DPYD: variants seen among roughly 807,000 people sequenced by gnomAD.
DPYD encodes the protein dihydropyrimidine dehydrogenase.
Under a neutral mutation model 116.2 loss-of-function variants are expected in DPYD, and 109 were observed. That is an observed-to-expected ratio of 0.94 (90% CI 0.80 to 1.10). DPYD has a LOEUF of 1.10. DPYD is among the 50% of genes least tolerant of loss of function. The pLI is 0.00. For missense variants in DPYD, 1,302 were observed against 1,254.5 expected (o/e 1.04, Z -0.57); for synonymous variants, 440 against 432.0 (o/e 1.02, Z -0.23).
At chr1:97,594,323 T>C (rs1286361336) in intron 9 of DPYD, among the ~76,000 whole-genome samples, 1 of 152,170 alleles carries the variant, frequency 6.6e-6, no homozygotes, top group Non-Finnish European at 1.5e-5. Context: ...AACATCCAGT[T>C]CTACTGAGAG....
chr1:97,796,666 G>C (rs1203404141), intron 3 of DPYD, among the ~76,000 whole-genome samples: 1 of 152,084 alleles, frequency 6.6e-6, no homozygotes, highest in Non-Finnish European at 1.5e-5. Flanking sequence ...CAAAGAAGGA[G>C]GGTGAGACAG....
At chr1:97,282,426 GTTGT>G in intron 18 of DPYD, among the ~76,000 whole-genome samples, 1 of 151,586 alleles carries the variant, frequency 6.6e-6, no homozygotes, top group East Asian at 1.9e-4. Context: ...AGATGCAGAG[GTTGT>G]TTAATATTAG....
At chr1:97,611,522 A>T (rs10875100) in intron 8 of DPYD, among the ~76,000 whole-genome samples, 118,730 of 151,952 alleles carry the variant, frequency 0.78, 47,526 homozygotes, top group East Asian at 0.96. Flanking sequence ...CTAGGAGGTT[A>T]CAGGGGCAAT....
intron 18 of DPYD, among the ~76,000 whole-genome samples, chr1:97,266,335 G>C (rs1664222625): frequency 6.6e-6 from 1 of 152,132 alleles, no homozygotes; most frequent in African/African-American, 2.4e-5. Context: ...ATTAAGAGAA[G>C]ATACGTCTGC....
chr1:97,254,298 G>A (rs1006354641), intron 18 of DPYD, among the ~76,000 whole-genome samples: 1 of 151,982 alleles, frequency 6.6e-6, no homozygotes, highest in Non-Finnish European at 1.5e-5. Context: ...TTATTTGTAT[G>A]AATGCTCAAA....
chr1:97,434,655 A>T (rs1197606938), intron 14 of DPYD, among the ~76,000 whole-genome samples: 1 of 152,100 alleles, frequency 6.6e-6, no homozygotes, highest in East Asian at 1.9e-4. Context: ...AGGAAATGAA[A>T]ATCCAGGTGA....
At chr1:97,283,577 T>G (rs1050934141) in intron 18 of DPYD, among the ~76,000 whole-genome samples, 24 of 152,116 alleles carry the variant, frequency 1.6e-4, no homozygotes, top group African/African-American at 5.1e-4. Context: ...TAATTTGAAC[T>G]AAATGCCATA....
At chr1:97,292,987 T>C (rs1666309208) in intron 18 of DPYD, among the ~76,000 whole-genome samples, 1 of 152,132 alleles carries the variant, frequency 6.6e-6, no homozygotes, top group Non-Finnish European at 1.5e-5. Flanking sequence ...TGAATAAAAA[T>C]CCAACATAGA....
chr1:97,428,990 A>G (rs1172228672), intron 14 of DPYD, among the ~76,000 whole-genome samples: 1 of 152,096 alleles, frequency 6.6e-6, no homozygotes, highest in Non-Finnish European at 1.5e-5. Context: ...TAAAATCAAA[A>G]TATCAGTTCA....
chr1:97,883,964 A>G (rs1405417545), intron 1 of DPYD: 1 of 346,766 alleles, frequency 2.9e-6, no homozygotes, highest in African/African-American at 2.2e-5. Context: ...ATCCTAATAC[A>G]ATGAAAATTT....
chr1:97,299,204 T>C (rs996635223), intron 18 of DPYD, among the ~76,000 whole-genome samples: 1 of 152,148 alleles, frequency 6.6e-6, no homozygotes, highest in African/African-American at 2.4e-5. Context: ...GCTCAAACAG[T>C]GACACAATAC....
At chr1:97,286,433 G>A (rs544859646) in intron 18 of DPYD, among the ~76,000 whole-genome samples, 45 of 152,076 alleles carry the variant, frequency 3.0e-4, no homozygotes, top group South Asian at 1.2e-3. Context: ...TCTTTGTGGC[G>A]TTCTCTGTAT....
At chr1:97,483,464 G>T (rs1276451465) in intron 13 of DPYD, among the ~76,000 whole-genome samples, 1 of 152,078 alleles carries the variant, frequency 6.6e-6, no homozygotes, top group Admixed American at 6.6e-5. Context: ...AGAACACATG[G>T]ACACAGGGAG....
chr1:97,545,127 T>C (rs1051354087), intron 12 of DPYD, among the ~76,000 whole-genome samples: 3 of 152,144 alleles, frequency 2.0e-5, no homozygotes, highest in Admixed American at 1.3e-4. Context: ...AGAATAAAAC[T>C]TAGATAAGTA....
intron 19 of DPYD, among the ~76,000 whole-genome samples, chr1:97,229,203 CAAAAAAAAAAAAA>C (rs34445661): frequency 3.4e-5 from 2 of 58,582 alleles, no homozygotes; most frequent in Non-Finnish European, 5.8e-5. Flanking sequence ...GACTCCTTCT[CAAAAAAAAAAAAA>C]AAAGAAAAAA....
chr1:97,198,837 T>C (rs1659002301), intron 19 of DPYD, among the ~76,000 whole-genome samples: 1 of 152,108 alleles, frequency 6.6e-6, no homozygotes, highest in South Asian at 2.1e-4. Context: ...ATCCCTATAG[T>C]GAGCTATTTT....
chr1:97,801,469 G>A (rs901853860), intron 3 of DPYD, among the ~76,000 whole-genome samples: 3 of 152,022 alleles, frequency 2.0e-5, no homozygotes, highest in African/African-American at 7.2e-5. Flanking sequence ...TTTACTGAGA[G>A]AGATGCATTA....
intron 20 of DPYD, among the ~76,000 whole-genome samples, chr1:97,102,413 A>ATATATATATATG (rs963310404): frequency 1.4e-5 from 2 of 142,402 alleles, no homozygotes; most frequent in African/African-American, 5.1e-5. Flanking sequence ...ATATATATAT[A>ATATATATATATG]TATATATGTA....
At chr1:97,413,564 AG>A (rs1674128031) in intron 14 of DPYD, among the ~76,000 whole-genome samples, 1 of 152,070 alleles carries the variant, frequency 6.6e-6, no homozygotes, top group African/African-American at 2.4e-5. Context: ...CCCTGGCTCA[AG>A]GGATCCTCCC....
Sources: allele counts gnomAD v4.1 joint callset (sites outside exome capture counted in the v4.1 genomes callset), GRCh38; gene constraint gnomAD v4.1.1; transcripts MANE v1.5; gene names NCBI Gene and HGNC (gene_info 2026-07-23, HGNC 2026-07-21).